Variants in SLC6A3 observed in about 807,000 individuals in gnomAD.
SLC6A3 encodes the protein sodium-dependent dopamine transporter.
A neutral mutation model predicts 70.4 loss-of-function variants in SLC6A3; 19 were observed. The observed-to-expected ratio is 0.27, with a 90% CI of 0.19 to 0.40. The LOEUF is 0.40. SLC6A3 is among the 10% of genes least tolerant of loss of function. SLC6A3 has a pLI of 1.00. For synonymous variants in SLC6A3, 368 were observed against 356.6 expected (o/e 1.03, Z -0.36); for missense variants, 613 against 838.5 (o/e 0.73, Z 3.32).
Position 1,400,942 on chromosome 5 carries a change from C to T in SLC6A3, c.1812G>A (p.Val604=). 1 of 1,595,702 alleles carries T rather than the reference C, an allele frequency of 6.3e-7. No homozygotes were observed. Residue 604 remains valine, a synonymous_variant, in exon 14 of 15, where the codon GTG becomes GTA. Coordinates refer to ENST00000270349, the MANE Select transcript of SLC6A3 (RefSeq NM_001044.5). ...TGAACTGGCGCACCTCCCCTCTGTCCACCAGCTCACGGTCCTTCTCGGGTG... is the reference window on the plus strand; with the variant it reads ...TGAACTGGCGCACCTCCCCTCTGTCTACCAGCTCACGGTCCTTCTCGGGTG... The part of the protein sequence containing the change: ...AIAPEKDREL[V]DRGEVRQFTL...
chr5:1,439,678 T>C (rs961121277), intron 3 of SLC6A3, among the ~76,000 whole-genome samples: 42 of 152,314 alleles, frequency 2.8e-4, no homozygotes, highest in African/African-American at 9.6e-4. Context: ...ACACACAGCT[T>C]TTCCAGAACT....
At chr5:1,429,095 C>T (rs558047259) in intron 4 of SLC6A3, among the ~76,000 whole-genome samples, 2 of 152,182 alleles carry the variant, frequency 1.3e-5, no homozygotes, top group African/African-American at 2.4e-5. Context: ...TGATTACATG[C>T]GCTGGCAGGA....
intron 6 of SLC6A3, among the ~76,000 whole-genome samples, chr5:1,418,910 C>T (rs1271306749): frequency 6.6e-6 from 1 of 150,760 alleles, no homozygotes; most frequent in Non-Finnish European, 1.5e-5. Context: ...ATTCATCCAC[C>T]CATTCACCCA....
In SLC6A3 at chr5:1,403,945, C is replaced by G. The variant is rs969522465; in HGVS notation, c.1600-856G>C. On this transcript the variant is annotated intron_variant, in intron 12 of 14. Coordinates refer to ENST00000270349, the MANE Select transcript of SLC6A3 (RefSeq NM_001044.5). ...TATGCACCTCACACCTGAATGTGTT[C>G]TGTGCACCCACATGTGTACTGCACG... 2.0e-5 allele frequency among the ~76,000 whole-genome samples: 3 copies of G among 152,258 alleles called. No homozygotes were observed. The East Asian group carries it at 5.8e-4, about 29-fold the overall frequency.
intron 7 of SLC6A3, among the ~76,000 whole-genome samples, chr5:1,415,433 G>T (rs1339624195): frequency 2.0e-5 from 3 of 152,214 alleles, no homozygotes; most frequent in Non-Finnish European, 4.4e-5. Flanking sequence ...GTGGGCTGCG[G>T]GCAGGCGCTG....
At position 1,414,778 on chromosome 5, in the gene SLC6A3, T is replaced by C. The variant is rs1442837843; in HGVS notation, c.1069A>G (p.Ser357Gly). The change falls in exon 8 of 15, where the codon AGC becomes GGC. Residue 357 changes from serine (S) to glycine (G), a missense_variant. Physicochemically the swap from Ser to Gly is moderately conservative, Grantham distance 56. This residue lies in a region of SLC6A3 where 348 missense variants were observed against 481.2 expected (regional missense o/e 0.72). Coordinates refer to ENST00000270349, the MANE Select transcript of SLC6A3 (RefSeq NM_001044.5). Reference sequence around the variant, plus strand: ...AAGACGACGAAGCCGGAGGAGAAGCTCGTCAGGGAGTTGATGGAGGTGGTG... The same window carrying C: ...AAGACGACGAAGCCGGAGGAGAAGCCCGTCAGGGAGTTGATGGAGGTGGTG... ...IVTTSINSLT[S>G]FSSGFVVFSF... 4 of 1,612,854 alleles carry C rather than the reference T, an allele frequency of 2.5e-6. No homozygotes were observed. Among genetic ancestry groups the C allele is most frequent in the Non-Finnish European group, 3.4e-6 (4 of 1,179,860 alleles).
chr5:1,411,192 T>C lies in SLC6A3; in HGVS notation c.1269+51A>G. On this transcript the variant is annotated intron_variant, in intron 9 of 14. Transcript: ENST00000270349. This position sits in a 1 kb window ranked among gnomAD's most constrained non-coding sequence, Gnocchi z 6.5. The stretch of plus-strand genomic sequence containing the variant: ...CCTGGGAGGGCAGGGCCCCCTCGGG[T>C]GGAAGGAACCCAACTGCCGAGGACA... The C allele has an allele frequency of 1.5e-6, 2 of 1,319,094 alleles. No individual in the cohort carries two copies. The highest frequency in any genetic ancestry group is 2.1e-6 in the Non-Finnish European group (2 of 937,542). 81.7% of individuals were successfully genotyped at this position (1,319,094 alleles called of 1,614,324 possible).
intron 1 of SLC6A3, 107 bp from the exon 2 acceptor site, chr5:1,443,349 C>T (rs752555508): frequency 4.5e-6 from 4 of 884,132 alleles, no homozygotes; most frequent in Non-Finnish European, 7.3e-6. Flanking sequence ...CATTCACGGG[C>T]ATTCCTCTGG....
intron 4 of SLC6A3, among the ~76,000 whole-genome samples, chr5:1,422,250 T>C (rs1420650930): frequency 6.6e-6 from 1 of 152,194 alleles, no homozygotes; most frequent in African/African-American, 2.4e-5. Flanking sequence ...TGCCTCACCA[T>C]CTGCCCTTGG....
At chr5:1,403,528 C>T (rs1421952990) in intron 12 of SLC6A3, among the ~76,000 whole-genome samples, 1 of 149,858 alleles carries the variant, frequency 6.7e-6, no homozygotes, top group African/African-American at 2.5e-5. Context: ...ACATCCGGCT[C>T]TATCCCATCC....
At chr5:1,426,579 T>C (rs1207885297) in intron 4 of SLC6A3, among the ~76,000 whole-genome samples, 1 of 152,186 alleles carries the variant, frequency 6.6e-6, no homozygotes, top group African/African-American at 2.4e-5. Flanking sequence ...CAAAACATGA[T>C]ATATCCATAC....
chr5:1,431,088 G>C (rs1477417621), intron 4 of SLC6A3, among the ~76,000 whole-genome samples: 2 of 152,262 alleles, frequency 1.3e-5, no homozygotes, highest in Non-Finnish European at 2.9e-5. Flanking sequence ...TCTCCAAAAT[G>C]ACGGCTGAGT....
chr5:1,416,411 A>G lies in SLC6A3; in HGVS notation c.928-210T>C, dbSNP rs537138361. The G allele has an allele frequency of 3.2e-5, 20 of 615,864 alleles. No individual in the cohort carries two copies. The South Asian group carries it at 3.8e-4, about 12-fold the overall frequency. 38.1% of individuals were successfully genotyped at this position (615,864 alleles called of 1,614,324 possible). A position where few individuals can be genotyped will look rare whatever the true frequency, so the allele number is the denominator to read the frequency against. On this transcript the variant is annotated intron_variant, in intron 6 of 14. Transcript: ENST00000270349. Reference sequence around the variant, plus strand: ...AGCGGCCTGGAAGAGCCTGAGAAGCAGGGGGCTGTCTGTGTTCATTGATCT... The same window carrying G: ...AGCGGCCTGGAAGAGCCTGAGAAGCGGGGGGCTGTCTGTGTTCATTGATCT...
rs535243376 is a variant in SLC6A3 at position 1,405,474 on chromosome 5, G to A, written c.1599+714C>T. ...CTGGACTCGGGAGGTGCTTCTCTACGTGAGCAGCTCACGGGACACTCTGCT... is the reference window on the plus strand; with the variant it reads ...CTGGACTCGGGAGGTGCTTCTCTACATGAGCAGCTCACGGGACACTCTGCT... On this transcript the variant is annotated intron_variant, in intron 12 of 14. Transcript: ENST00000270349. This position sits in a 1 kb window ranked among gnomAD's most constrained non-coding sequence, Gnocchi z 5.3. Among the ~76,000 whole-genome samples the A allele has an allele frequency of 9.8e-5, 15 of 152,286 alleles. No individual in the cohort carries two copies. The East Asian group carries it at 1.5e-3, about 16-fold the overall frequency.
chr5:1,415,176 G>A (rs11564759), intron 7 of SLC6A3, among the ~76,000 whole-genome samples: 18,075 of 152,064 alleles, frequency 0.12, 1,865 homozygotes, highest in East Asian at 0.41. Flanking sequence ...CTGACTGGGC[G>A]GGTCTCATGG....
chr5:1,435,789 ACGGTGGTGGC>A (rs1756816679), intron 3 of SLC6A3, among the ~76,000 whole-genome samples: 2 of 120,380 alleles, frequency 1.7e-5, no homozygotes, highest in East Asian at 2.6e-4. Context: ...GCTCCCTTGA[ACGGTGGTGGC>A]CAGTCCCCTC....
chr5:1,411,632 C>G lies in SLC6A3; in HGVS notation c.1157-277G>C, dbSNP rs1756129331. On this transcript the variant is annotated intron_variant, in intron 8 of 14. Coordinates refer to ENST00000270349, the MANE Select transcript of SLC6A3 (RefSeq NM_001044.5). The surrounding 1 kb of genome is among the most constrained non-coding windows in gnomAD (Gnocchi z 6.5). Reference sequence around the variant, plus strand: ...TGGGTCCTTTTGGGCTATGGGGGTGCTTGGGGAAGGAAGGGGCAGAAACAA... The same window carrying G: ...TGGGTCCTTTTGGGCTATGGGGGTGGTTGGGGAAGGAAGGGGCAGAAACAA... Among the ~76,000 whole-genome samples, 1 of 152,182 alleles carries G rather than the reference C, an allele frequency of 6.6e-6. No homozygotes were observed.
rs765971037 is a variant in SLC6A3 at position 1,424,064 on chromosome 5, G to A, written c.654-2050C>T. ...CTGTTGCCAACAGGGAAGGCCCCAC[G>A]AGCCCTGAAAGCGCTGGACAGTGCC... is the stretch of plus-strand genomic sequence containing the variant. On this transcript the variant is annotated intron_variant, in intron 4 of 14. Transcript: ENST00000270349. Among the ~76,000 whole-genome samples the A allele has an allele frequency of 4.3e-4, 66 of 152,200 alleles. 1 individual carries two copies. Among genetic ancestry groups the A allele is most frequent in the African/African-American group, 1.5e-3 (61 of 41,454 alleles).
intron 6 of SLC6A3, among the ~76,000 whole-genome samples, chr5:1,417,890 T>A (rs1371651451): frequency 1.3e-5 from 2 of 152,202 alleles, no homozygotes; most frequent in African/African-American, 2.4e-5. Flanking sequence ...CAGGTCAAGC[T>A]TGCCTGAGCT....
Sources: gnomAD v4.1 joint callset for allele counts (sites outside exome capture counted in the v4.1 genomes callset) on GRCh38, gnomAD v4.1.1 for gene constraint, gnomAD v4.1.1 regional missense constraint, Gnocchi (gnomAD v3.1) non-coding constraint, MANE v1.5 for transcripts, NCBI Gene and HGNC (gene_info 2026-07-23, HGNC 2026-07-21) for gene names.